Variants in EIF4E3 observed in about 807,000 individuals in gnomAD.
The protein encoded by EIF4E3 is eukaryotic translation initiation factor 4E type 3.
EIF4E3 carries 26 observed loss-of-function variants against 31.7 expected under a neutral mutation model. That is an observed-to-expected ratio of 0.82 (90% CI 0.60 to 1.14). EIF4E3 has a LOEUF of 1.14. Ranked by LOEUF, EIF4E3 falls within the 50% of genes most tolerant of loss-of-function variation. The probability of loss-of-function intolerance (pLI) is 0.00; values close to 1 mark genes in which losing one functional copy is unlikely to be tolerated. For missense variants in EIF4E3, 304 were observed against 270.9 expected, an observed-to-expected ratio of 1.12 and a Z score of -0.86; for synonymous variants, 128 against 107.7, an observed-to-expected ratio of 1.19 and a Z score of -1.17.
At chr3:71,692,865 G>A (rs192163488) in intron 5 of EIF4E3, among the ~76,000 whole-genome samples, 88 of 152,290 alleles carry the variant, frequency 5.8e-4, no homozygotes, top group African/African-American at 2.1e-3. Flanking sequence ...AAAGTGCTGG[G>A]ATTACAGTCA....
At chr3:71,665,662 A>C in the EIF4E3 span, among the ~76,000 whole-genome samples, 1 of 152,194 alleles carries the variant, frequency 6.6e-6, no homozygotes, top group Non-Finnish European at 1.5e-5. Context: ...TCTTCTCAGC[A>C]CCACACAGCA....
chr3:71,709,576 G>A (rs767041357), intron 2 of EIF4E3, among the ~76,000 whole-genome samples: 6 of 151,806 alleles, frequency 4.0e-5, no homozygotes, highest in Non-Finnish European at 8.8e-5. Context: ...TAGAGATGGG[G>A]GTCTATGTTG....
At chr3:71,704,178 G>A (rs777162158) in intron 2 of EIF4E3, among the ~76,000 whole-genome samples, 2 of 152,210 alleles carry the variant, frequency 1.3e-5, no homozygotes, top group Non-Finnish European at 1.5e-5. Context: ...TAGAGTAAAC[G>A]AGATGTGACA....
intron 1 of EIF4E3, among the ~76,000 whole-genome samples, chr3:71,717,880 G>A (rs569516544): frequency 1.2e-3 from 186 of 152,230 alleles, no homozygotes; most frequent in Non-Finnish European, 1.8e-3. Flanking sequence ...TGCTTAACAC[G>A]AATGAGTAAA....
the EIF4E3 span, among the ~76,000 whole-genome samples, chr3:71,660,261 C>T: frequency 3.3e-5 from 5 of 151,972 alleles, no homozygotes; most frequent in African/African-American, 9.7e-5. Context: ...ATTCTGTTCT[C>T]CGATGATGAG....
chr3:71,747,037 G>A (rs553681266), intron 1 of EIF4E3, among the ~76,000 whole-genome samples: 4 of 152,242 alleles, frequency 2.6e-5, no homozygotes, highest in African/African-American at 9.6e-5. Context: ...TTCATTCATT[G>A]ACCTTTGTGT....
At chr3:71,754,382 C>G, upstream of EIF4E3, 1 of 1,343,236 alleles carries the variant, frequency 7.4e-7, no homozygotes. The surrounding 1 kb of genome is among the most constrained non-coding windows in gnomAD (Gnocchi z 5.8). Context: ...ACGCCGCCTT[C>G]CTGCTGCTGG....
chr3:71,744,195 C>A (rs2049848635), intron 1 of EIF4E3, among the ~76,000 whole-genome samples: 1 of 151,808 alleles, frequency 6.6e-6, no homozygotes, highest in Non-Finnish European at 1.5e-5. Flanking sequence ...ATTTCCAAAT[C>A]TTATATCCAA....
intron 4 of EIF4E3, among the ~76,000 whole-genome samples, chr3:71,694,546 C>T (rs1465615462): frequency 2.0e-5 from 3 of 148,178 alleles, no homozygotes; most frequent in African/African-American, 7.4e-5. Flanking sequence ...CTGCCTCCTA[C>T]CAATGAGAAA....
rs768167456 is a variant in EIF4E3 at position 71,699,620 on chromosome 3, G to A, written c.338C>T (p.Pro113Leu). 1 of 1,613,502 alleles carries A rather than the reference G, an allele frequency of 6.2e-7. No homozygotes were observed. The highest frequency in any genetic ancestry group is 1.1e-5 in the South Asian group (1 of 91,060). The change falls in exon 3 of 7, where the codon CCA becomes CTA. Residue 113 changes from proline to leucine, a missense_variant. Transcript: ENST00000425534. The stretch of plus-strand genomic sequence containing the variant: ...TTACACGTTAGACACTTACCAAAGT[G>A]GTCGCCTCTCTCCTCTCATTAAATG... ...SYHLMRGERR[P>L]LWEEESNAKG...
At chr3:71,736,950 G>A (rs1280514954) in intron 1 of EIF4E3, among the ~76,000 whole-genome samples, 3 of 152,192 alleles carry the variant, frequency 2.0e-5, no homozygotes, top group African/African-American at 7.2e-5. Context: ...CAATTTTGCT[G>A]TGAACCTGAA....
chr3:71,709,488 T>C (rs1054706237), intron 2 of EIF4E3, among the ~76,000 whole-genome samples: 4 of 152,168 alleles, frequency 2.6e-5, no homozygotes, highest in African/African-American at 9.7e-5. Flanking sequence ...CAAGTGATCA[T>C]TGTACCTCAG....
chr3:71,707,618 C>A (rs570836808), intron 2 of EIF4E3, among the ~76,000 whole-genome samples: 7 of 152,110 alleles, frequency 4.6e-5, no homozygotes, highest in African/African-American at 1.4e-4. Flanking sequence ...ACTGTTCCCC[C>A]CTTAGGCCCT....
At chr3:71,690,361 C>T (rs533557400) in intron 5 of EIF4E3, among the ~76,000 whole-genome samples, 196 bp from the exon 6 acceptor site, 50 of 152,334 alleles carry the variant, frequency 3.3e-4, no homozygotes, top group Non-Finnish European at 7.3e-5. Flanking sequence ...AAAGCTGTAG[C>T]AGTCACATCA....
At chr3:71,704,156 G>A (rs2049257806) in intron 2 of EIF4E3, among the ~76,000 whole-genome samples, 1 of 152,238 alleles carries the variant, frequency 6.6e-6, no homozygotes, top group African/African-American at 2.4e-5. Context: ...CCCAAGTGTG[G>A]AGTTGTGATC....
chr3:71,712,073 G>A (rs774780599), intron 1 of EIF4E3, among the ~76,000 whole-genome samples: 1 of 152,168 alleles, frequency 6.6e-6, no homozygotes, highest in Non-Finnish European at 1.5e-5. Context: ...GGGAAAACAC[G>A]GGACTTCCAC....
chr3:71,702,537 AG>A (rs2049232560), intron 2 of EIF4E3, among the ~76,000 whole-genome samples: 1 of 152,224 alleles, frequency 6.6e-6, no homozygotes, highest in African/African-American at 2.4e-5. Context: ...TTGGAGCTTT[AG>A]AAGCTTCTCT....
intron 1 of EIF4E3, among the ~76,000 whole-genome samples, chr3:71,714,598 A>AT: frequency 6.6e-6 from 1 of 152,226 alleles, no homozygotes; most frequent in Admixed American, 6.5e-5. Context: ...AAAAACACCA[A>AT]TGTGCCCAAA....
At chr3:71,739,488 G>C (rs139285856) in intron 1 of EIF4E3, among the ~76,000 whole-genome samples, 419 of 152,192 alleles carry the variant, frequency 2.8e-3, no homozygotes, top group African/African-American at 9.0e-3. Context: ...CTGAGGCTAT[G>C]TGCCCCAGAC....
Sources: allele counts gnomAD v4.1 joint callset (sites outside exome capture counted in the v4.1 genomes callset), GRCh38; gene constraint gnomAD v4.1.1; non-coding constraint Gnocchi (gnomAD v3.1); transcripts MANE v1.5; gene names NCBI Gene and HGNC (gene_info 2026-07-23, HGNC 2026-07-21).